FRMPD4: variants seen among roughly 807,000 people sequenced by gnomAD.
FRMPD4 encodes the protein FERM and PDZ domain containing 4.
Under a neutral mutation model 94.1 loss-of-function variants are expected in FRMPD4, and 22 were observed. The ratio of observed to expected loss-of-function variants is 0.23; its 90% CI spans 0.17 to 0.33. FRMPD4 has a LOEUF of 0.33. Ranked by LOEUF, FRMPD4 falls within the 10% of genes least tolerant of loss-of-function variation. The probability of loss-of-function intolerance (pLI) is 1.00; values close to 1 mark genes in which losing one functional copy is unlikely to be tolerated. For missense variants in FRMPD4, 1,111 were observed against 1,339.9 expected (o/e 0.83, Z 2.67); for synonymous variants, 631 against 548.6 (o/e 1.15, Z -2.10).
intron 3 of FRMPD4, among the ~76,000 whole-genome samples, chrX:11,905,868 C>A (rs5935181): frequency 9.1e-6 from 1 of 110,285 alleles, no homozygotes; most frequent in African/African-American, 3.3e-5. Flanking sequence ...AGTTTTTGAA[C>A]GGACAATACT....
At position 12,468,868 on chromosome X, in the gene FRMPD4, A is replaced by T. The variant is rs188112740; in HGVS notation, c.42-29812A>T. The stretch of plus-strand genomic sequence containing the variant: ...ATGTTGATCTTACAAGGAAAGGAAC[A>T]TTATAAAGAAGTGTTGTACTGTGCC... On this transcript the variant is annotated intron_variant, in intron 1 of 16. Coordinates refer to ENST00000675598, the MANE Select transcript of FRMPD4 (RefSeq NM_001368397.1). Among the ~76,000 whole-genome samples the T allele has an allele frequency of 4.5e-5, 5 of 112,314 alleles. No individual in the cohort carries two copies. The East Asian group carries it at 1.4e-3, about 31-fold the overall frequency.
intron 2 of FRMPD4, among the ~76,000 whole-genome samples, chrX:12,530,286 G>A (rs2058271495): frequency 8.9e-6 from 1 of 111,880 alleles, no homozygotes; most frequent in Non-Finnish European, 1.9e-5. Flanking sequence ...TGACCAGATT[G>A]CTTGGATGTG....
chrX:12,190,648 G>A (rs775889361), intron 1 of FRMPD4, among the ~76,000 whole-genome samples: 1 of 105,310 alleles, frequency 9.5e-6, no homozygotes, highest in South Asian at 4.4e-4. Context: ...AACAAAAATA[G>A]TCTTTTCAAC....
At chrX:12,717,374 C>A in intron 15 of FRMPD4, 127 bp from the exon 16 acceptor site, 1 of 518,281 alleles carries the variant, frequency 1.9e-6, no homozygotes, top group Non-Finnish European at 3.2e-6. Context: ...GCAATAAACT[C>A]AGAGTCCTTA....
intron 3 of FRMPD4, among the ~76,000 whole-genome samples, chrX:11,930,837 G>C (rs1332493603): frequency 1.8e-5 from 2 of 111,079 alleles, no homozygotes; most frequent in African/African-American, 6.6e-5. Flanking sequence ...AGCTCTGGTG[G>C]CTCTCCGAAG....
At chrX:11,961,506 C>T (rs2054283117) in intron 3 of FRMPD4, among the ~76,000 whole-genome samples, 1 of 112,021 alleles carries the variant, frequency 8.9e-6, no homozygotes, top group South Asian at 3.7e-4. Flanking sequence ...TTTTAGTAGT[C>T]CTCTTGGGTT....
intron 3 of FRMPD4, among the ~76,000 whole-genome samples, chrX:12,069,131 A>T (rs1319847105): frequency 1.8e-5 from 2 of 111,704 alleles, no homozygotes; most frequent in East Asian, 5.7e-4. Flanking sequence ...GTACTGAGCA[A>T]TACCATTTTC....
At chrX:12,077,292 C>A (rs1408127276) in intron 3 of FRMPD4, among the ~76,000 whole-genome samples, 2 of 111,796 alleles carry the variant, frequency 1.8e-5, no homozygotes, top group Non-Finnish European at 3.8e-5. Context: ...CTTGTCTTCC[C>A]AGTAGGTAGC....
chrX:12,573,718 G>GATCC (rs775512900), intron 2 of FRMPD4, among the ~76,000 whole-genome samples: 1 of 112,245 alleles, frequency 8.9e-6, no homozygotes, highest in Non-Finnish European at 1.9e-5. Context: ...GAATACTGAA[G>GATCC]ATCCATTCAG....
intron 2 of FRMPD4, among the ~76,000 whole-genome samples, chrX:11,870,208 T>A (rs2039120294): frequency 9.0e-6 from 1 of 111,675 alleles, no homozygotes; most frequent in South Asian, 3.8e-4. Context: ...TCTATGGAAA[T>A]TTAGAGATTT....
chrX:11,899,411 C>T (rs1252707686), intron 3 of FRMPD4, among the ~76,000 whole-genome samples: 2 of 102,621 alleles, frequency 1.9e-5, no homozygotes, highest in African/African-American at 7.3e-5. Flanking sequence ...GCAGCTGACA[C>T]TTTGTGCTGC....
intron 1 of FRMPD4, among the ~76,000 whole-genome samples, chrX:12,453,629 G>T (rs1014393754): frequency 1.8e-5 from 2 of 111,227 alleles, no homozygotes; most frequent in African/African-American, 6.5e-5. Context: ...GGAAGTTTGG[G>T]TTTCCCAGTA....
At position 12,580,759 on chromosome X, in the gene FRMPD4, A is replaced by G. The variant is rs182900926; in HGVS notation, c.159-28962A>G. ...GATGCTCCTGGATTATTGAGCCATG[A>G]CACTGTTGACCCTAGGATGTCAGGA... is the stretch of plus-strand genomic sequence containing the variant. On this transcript the variant is annotated intron_variant, in intron 2 of 16. Coordinates refer to ENST00000675598, the MANE Select transcript of FRMPD4 (RefSeq NM_001368397.1). 2.7e-5 allele frequency among the ~76,000 whole-genome samples: 3 copies of G among 111,656 alleles called. No individual in the cohort carries two copies. In the Admixed American group the frequency reaches 2.8e-4, roughly 11 times the overall value.
chrX:12,718,226 C>G lies in FRMPD4; in HGVS notation c.3400C>G (p.Pro1134Ala). 4.1e-6 allele frequency: 5 copies of G among 1,211,441 alleles called. No individual in the cohort carries two copies. Among genetic ancestry groups the G allele is most frequent in the Non-Finnish European group, 5.6e-6 (5 of 895,125 alleles). Residue 1134 changes from proline (P) to alanine (A), a missense_variant, in exon 16 of 17, where the codon CCT (proline) becomes GCT (alanine). Pro to Ala is a conservative substitution (Grantham distance 27, BLOSUM62 -1). Around this residue, in one of 8 missense-constraint regions of FRMPD4, gnomAD observed 551 missense variants for 591.6 expected, o/e 0.93. Transcript: ENST00000675598. ...REAEGKEEGA[P>A]DGETSDGSGL... ...GGCCGAAGGGAAGGAAGAAGGAGCT[C>G]CTGATGGAGAAACCAGTGATGGCTC...
intron 3 of FRMPD4, among the ~76,000 whole-genome samples, chrX:12,042,357 A>C (rs1281484706): frequency 1.8e-5 from 2 of 110,634 alleles, no homozygotes; most frequent in African/African-American, 3.3e-5. Flanking sequence ...GTTTGTTTAT[A>C]TATTTTTTCA....
intron 1 of FRMPD4, among the ~76,000 whole-genome samples, chrX:12,439,518 T>C (rs1344115333): frequency 8.9e-6 from 1 of 111,772 alleles, no homozygotes; most frequent in African/African-American, 3.3e-5. Flanking sequence ...TCTTTACTAT[T>C]TCCCATGGAA....
At chrX:12,507,032 C>T (rs1327376516) in intron 2 of FRMPD4, among the ~76,000 whole-genome samples, 1 of 111,942 alleles carries the variant, frequency 8.9e-6, no homozygotes, top group African/African-American at 3.3e-5. Flanking sequence ...TCTTAGAAGG[C>T]CATGTCTGTT....
intron 1 of FRMPD4, among the ~76,000 whole-genome samples, chrX:12,334,851 A>G (rs1025958820): frequency 1.8e-4 from 20 of 111,465 alleles, no homozygotes; most frequent in African/African-American, 6.5e-4. Context: ...GACAATTACT[A>G]TTACTTTCCT....
chrX:11,972,998 T>C (rs914712265), intron 3 of FRMPD4, among the ~76,000 whole-genome samples: 1 of 112,178 alleles, frequency 8.9e-6, no homozygotes, highest in Non-Finnish European at 1.9e-5. Context: ...AAATCCTCTA[T>C]TGAGTTGGTC....
Sources: gnomAD v4.1 joint callset for allele counts (sites outside exome capture counted in the v4.1 genomes callset) on GRCh38, gnomAD v4.1.1 for gene constraint, gnomAD v4.1.1 regional missense constraint, MANE v1.5 for transcripts, NCBI Gene and HGNC (gene_info 2026-07-23, HGNC 2026-07-21) for gene names.